Variants in ADGRA3 observed in about 807,000 individuals in gnomAD.
The protein encoded by ADGRA3 is G-protein coupled receptor 125.
In ADGRA3, 56 loss-of-function variants were observed where a neutral mutation model predicts 119.8. The observed-to-expected ratio is 0.47, with a 90% CI of 0.38 to 0.58. The LOEUF is 0.58. Among genes scored for constraint, ADGRA3 ranks in the 20% least tolerant of loss-of-function variants. The pLI is 0.00. For missense variants in ADGRA3, 1,516 were observed against 1,649.0 expected, an observed-to-expected ratio of 0.92 and a Z score of 1.40; for synonymous variants, 607 against 623.8, an observed-to-expected ratio of 0.97 and a Z score of 0.40.
chr4:22,446,564 C>T (rs1234852153), intron 5 of ADGRA3, among the ~76,000 whole-genome samples: 7 of 152,064 alleles, frequency 4.6e-5, no homozygotes, highest in Non-Finnish European at 1.0e-4. Context: ...ACACACATGC[C>T]TGCTATGATG....
chr4:22,498,766 T>A (rs1054113965), intron 1 of ADGRA3, among the ~76,000 whole-genome samples: 7 of 151,590 alleles, frequency 4.6e-5, no homozygotes, highest in African/African-American at 1.7e-4. Flanking sequence ...ATACAAAAAT[T>A]AGCCAGGCGT....
chr4:22,447,166 G>C (rs1716860882), intron 5 of ADGRA3, among the ~76,000 whole-genome samples: 1 of 151,260 alleles, frequency 6.6e-6, no homozygotes, highest in South Asian at 2.1e-4. Flanking sequence ...TTTATGATTT[G>C]AAAAAAAAGT....
intron 4 of ADGRA3, among the ~76,000 whole-genome samples, chr4:22,453,686 A>G (rs945092739): frequency 1.4e-4 from 22 of 152,288 alleles, no homozygotes; most frequent in African/African-American, 4.6e-4. Flanking sequence ...ACTTGTCTCT[A>G]AAACATGATT....
chr4:22,413,995 T>C lies in ADGRA3; in HGVS notation c.1810-181A>G, dbSNP rs1347555504. 9 of 487,794 alleles carry C rather than the reference T, an allele frequency of 1.8e-5. 1 individual carries two copies. In the South Asian group the frequency reaches 2.1e-4, roughly 11 times the overall value. The allele number at this position is 487,794 out of a possible 1,614,324, so 30.2% of individuals were successfully genotyped here. On this transcript the variant is annotated intron_variant, in intron 12 of 18. Transcript: ENST00000334304. ...AGCGAAATGTCAACACCACATAACA[T>C]AGATTAAAAGAAGTATAAAACAGAA...
chr4:22,464,028 A>G (rs747630289), intron 2 of ADGRA3, among the ~76,000 whole-genome samples: 36 of 152,308 alleles, frequency 2.4e-4, no homozygotes, highest in South Asian at 1.5e-3. Context: ...GGCACTCCTC[A>G]GTAGCTAAGG....
At chr4:22,456,005 G>C (rs1717222332) in intron 3 of ADGRA3, among the ~76,000 whole-genome samples, 1 of 152,138 alleles carries the variant, frequency 6.6e-6, no homozygotes, top group African/African-American at 2.4e-5. Context: ...TGCCTCCAAT[G>C]TCCCTATTAT....
intron 5 of ADGRA3, 131 bp from the exon 6 acceptor site, chr4:22,445,264 T>A: frequency 1.4e-6 from 1 of 740,064 alleles, no homozygotes; most frequent in South Asian, 1.7e-5. Flanking sequence ...GTACATTTCA[T>A]CAACTAGCTA....
intron 1 of ADGRA3, among the ~76,000 whole-genome samples, chr4:22,491,543 T>G (rs576484978): frequency 6.6e-6 from 1 of 152,130 alleles, no homozygotes; most frequent in Non-Finnish European, 1.5e-5. Context: ...GAAGTCAGTT[T>G]AGAGAGAATG....
At chr4:22,459,638 TA>T (rs536987836) in intron 3 of ADGRA3, among the ~76,000 whole-genome samples, 1 of 146,286 alleles carries the variant, frequency 6.8e-6, no homozygotes, top group African/African-American at 2.5e-5. Flanking sequence ...CAGTAAGACA[TA>T]AAAAAAATAC....
chr4:22,426,370 G>A (rs1390797183), intron 10 of ADGRA3, among the ~76,000 whole-genome samples: 1 of 152,248 alleles, frequency 6.6e-6, no homozygotes, highest in East Asian at 1.9e-4. Flanking sequence ...ACAACAAAAT[G>A]TCTTACGTTT....
rs776366061 is a variant in ADGRA3, at chr4:22,461,800, C to T, written c.338G>A (p.Arg113Gln). Residue 113 changes from arginine to glutamine, a missense_variant, in exon 3 of 19, where the codon CGA becomes CAA. Arg to Gln is a conservative substitution (Grantham distance 43). Transcript: ENST00000334304. ...ATCTATACTACTAATAAGATTGTTTCGGAGGTCCCTGTTAAAAATAAAATA... is the reference window on the plus strand; with the variant it reads ...ATCTATACTACTAATAAGATTGTTTTGGAGGTCCCTGTTAAAAATAAAATA... ...GLSLLERLDLRNNLISSIDPG... is the reference protein window; with the variant it reads ...GLSLLERLDLQNNLISSIDPG... 1.6e-5 allele frequency: 26 copies of T among 1,600,754 alleles called. No homozygotes were observed. The highest frequency in any genetic ancestry group is 6.7e-5 in the East Asian group (3 of 44,666).
chr4:22,391,390 G>T (rs764223163), intron 17 of ADGRA3, among the ~76,000 whole-genome samples: 1 of 152,036 alleles, frequency 6.6e-6, no homozygotes, highest in Non-Finnish European at 1.5e-5. Context: ...AGGCACGCTA[G>T]CTAGCTAGAA....
At chr4:22,450,474 C>G (rs577897737) in intron 4 of ADGRA3, among the ~76,000 whole-genome samples, 1 of 152,248 alleles carries the variant, frequency 6.6e-6, no homozygotes, top group Non-Finnish European at 1.5e-5. Flanking sequence ...TCATGTTAGC[C>G]AGGCTGGTCT....
chr4:22,395,204 TA>T (rs1319557626), intron 16 of ADGRA3, among the ~76,000 whole-genome samples: 7 of 152,188 alleles, frequency 4.6e-5, no homozygotes, highest in African/African-American at 1.4e-4. Context: ...TCCAAAGTTG[TA>T]AAATGGGTAT....
At chr4:22,473,954 C>A in intron 1 of ADGRA3, 111 bp from the exon 2 acceptor site, 1 of 591,014 alleles carries the variant, frequency 1.7e-6, no homozygotes, top group Admixed American at 3.5e-5. Context: ...CATTTATTAG[C>A]CAGAATGTTT....
Position 22,477,161 on chromosome 4 carries a change from G to C in ADGRA3, c.258-3318C>G, listed in dbSNP as rs180750837. On this transcript the variant is annotated intron_variant, in intron 1 of 18. Coordinates refer to ENST00000334304, the MANE Select transcript of ADGRA3 (RefSeq NM_145290.4). ...AAATAATTTATGCTTTGAGATTAAAGAGCCACATTTATTTATTTATATTCA... is the reference window on the plus strand; with the variant it reads ...AAATAATTTATGCTTTGAGATTAAACAGCCACATTTATTTATTTATATTCA... Among the ~76,000 whole-genome samples, 549 of 152,198 alleles carry C rather than the reference G, an allele frequency of 3.6e-3. 1 individual carries two copies. The highest frequency in any genetic ancestry group is 0.013 in the African/African-American group (522 of 41,510).
chr4:22,493,363 C>T (rs1017086125), intron 1 of ADGRA3, among the ~76,000 whole-genome samples: 5 of 152,306 alleles, frequency 3.3e-5, no homozygotes, highest in East Asian at 1.9e-4. Context: ...CAAAAAGATC[C>T]TTCATAGATG....
chr4:22,485,063 G>A (rs61793367), intron 1 of ADGRA3, among the ~76,000 whole-genome samples: 2,982 of 152,040 alleles, frequency 0.02, 70 homozygotes, highest in African/African-American at 0.054. Context: ...TCTCCCTTCA[G>A]CCCACCTACT....
At chr4:22,428,078 T>G (rs944326577) in intron 10 of ADGRA3, among the ~76,000 whole-genome samples, 1 of 152,216 alleles carries the variant, frequency 6.6e-6, no homozygotes, top group Non-Finnish European at 1.5e-5. Flanking sequence ...CAAAAACATC[T>G]GCTAATTTAA....
Sources: allele counts gnomAD v4.1 joint callset (sites outside exome capture counted in the v4.1 genomes callset), GRCh38; gene constraint gnomAD v4.1.1; transcripts MANE v1.5; gene names NCBI Gene and HGNC (gene_info 2026-07-23, HGNC 2026-07-21).